Variants in STX8 observed in about 807,000 individuals in gnomAD.
STX8 encodes syntaxin-8.
A neutral mutation model predicts 37.5 loss-of-function variants in STX8; 23 were observed. The ratio of observed to expected loss-of-function variants is 0.61; its 90% CI spans 0.44 to 0.87. STX8 has a LOEUF of 0.87. Ranked by LOEUF, STX8 falls within the 40% of genes least tolerant of loss-of-function variation. The pLI is 0.00. For synonymous variants in STX8, 115 were observed against 99.1 expected, an observed-to-expected ratio of 1.16 and a Z score of -0.95; for missense variants, 313 against 284.7, an observed-to-expected ratio of 1.10 and a Z score of -0.71.
At chr17:9,360,818 G>A (rs998600306) in intron 7 of STX8, among the ~76,000 whole-genome samples, 7 of 152,104 alleles carry the variant, frequency 4.6e-5, no homozygotes, top group Non-Finnish European at 2.9e-5. Flanking sequence ...CTCTCTCAAG[G>A]ACAACTGAGA....
At chr17:9,487,047 C>T (rs1411934657) in intron 6 of STX8, among the ~76,000 whole-genome samples, 1 of 152,176 alleles carries the variant, frequency 6.6e-6, no homozygotes, top group Non-Finnish European at 1.5e-5. Context: ...CTGGGATTTT[C>T]ACTTAACTGC....
intron 6 of STX8, among the ~76,000 whole-genome samples, chr17:9,437,352 A>G (rs918347999): frequency 6.6e-6 from 1 of 152,220 alleles, no homozygotes; most frequent in South Asian, 2.1e-4. Flanking sequence ...CAGGGCTACA[A>G]TGACTTGCAG....
intron 6 of STX8, among the ~76,000 whole-genome samples, chr17:9,486,408 G>C (rs539427744): frequency 6.6e-6 from 1 of 152,228 alleles, no homozygotes; most frequent in Non-Finnish European, 1.5e-5. Flanking sequence ...CACACCAGCA[G>C]AGATTTGTTC....
At chr17:9,403,967 C>A (rs764377416) in intron 6 of STX8, among the ~76,000 whole-genome samples, 2 of 151,280 alleles carry the variant, frequency 1.3e-5, no homozygotes, top group African/African-American at 4.9e-5. Flanking sequence ...CTTTTGACTC[C>A]CCCAAAACTT....
chr17:9,459,961 G>A (rs953276323), intron 6 of STX8, among the ~76,000 whole-genome samples: 1 of 152,206 alleles, frequency 6.6e-6, no homozygotes, highest in Non-Finnish European at 1.5e-5. Context: ...TGGCAGAGCC[G>A]AATAGAGAGG....
intron 6 of STX8, among the ~76,000 whole-genome samples, chr17:9,474,399 G>A (rs550857989): frequency 6.6e-6 from 1 of 152,210 alleles, no homozygotes; most frequent in African/African-American, 2.4e-5. Flanking sequence ...TTGAGATGGA[G>A]TCTCACTCTG....
At chr17:9,532,138 C>T (rs1457111381) in intron 4 of STX8, among the ~76,000 whole-genome samples, 1 of 151,210 alleles carries the variant, frequency 6.6e-6, no homozygotes, top group African/African-American at 2.4e-5. Flanking sequence ...GTTAATAGAG[C>T]TTCCTTTCCT....
intron 7 of STX8, among the ~76,000 whole-genome samples, chr17:9,342,089 T>A (rs1910379178): frequency 6.6e-6 from 1 of 152,074 alleles, no homozygotes; most frequent in Non-Finnish European, 1.5e-5. Context: ...TGAAACTGTT[T>A]CATCTCAGAT....
intron 7 of STX8, among the ~76,000 whole-genome samples, chr17:9,375,313 CACTT>C (rs1911545364): frequency 1.3e-5 from 2 of 152,068 alleles, no homozygotes; most frequent in Non-Finnish European, 2.9e-5. Context: ...CAAAAAACAA[CACTT>C]AAGAGTCCAG....
intron 6 of STX8, among the ~76,000 whole-genome samples, chr17:9,415,815 C>G (rs1913173097): frequency 6.6e-6 from 1 of 152,148 alleles, no homozygotes; most frequent in East Asian, 1.9e-4. Flanking sequence ...ATCATCTTAT[C>G]CAGCTTCTTC....
At chr17:9,361,328 C>T (rs1911055632) in intron 7 of STX8, among the ~76,000 whole-genome samples, 1 of 152,144 alleles carries the variant, frequency 6.6e-6, no homozygotes, top group Admixed American at 6.5e-5. Context: ...TTCTAAATAC[C>T]ACAGATTCCT....
Position 9,344,148 on chromosome 17 carries a change from T to C in STX8, c.643+34404A>G, listed in dbSNP as rs1357539833. Among the ~76,000 whole-genome samples, 6 of 152,124 alleles carry C rather than the reference T, an allele frequency of 3.9e-5. No individual in the cohort carries two copies. In the East Asian group the frequency reaches 1.2e-3, roughly 29 times the overall value. The stretch of plus-strand genomic sequence containing the variant: ...CTTGCATATACTTGCAAATTTCACC[T>C]TTTAGGCTAAGGAGATGTTTTTCAA... On this transcript the variant is annotated intron_variant, in intron 7 of 7. Transcript: ENST00000306357.
chr17:9,462,548 C>T (rs1267795422), intron 6 of STX8, among the ~76,000 whole-genome samples: 12 of 151,992 alleles, frequency 7.9e-5, no homozygotes, highest in African/African-American at 2.9e-4. Context: ...GTGGTGAAAC[C>T]CTGTCTCTAC....
intron 6 of STX8, among the ~76,000 whole-genome samples, chr17:9,457,439 G>T (rs1275648368): frequency 6.6e-6 from 1 of 152,132 alleles, no homozygotes; most frequent in East Asian, 1.9e-4. Context: ...TGACTCTCTT[G>T]CTCCCTCTTC....
At chr17:9,563,194 T>C (rs187803141) in intron 2 of STX8, among the ~76,000 whole-genome samples, 102 of 148,150 alleles carry the variant, frequency 6.9e-4, no homozygotes, top group African/African-American at 2.6e-3. Context: ...TATTTATTTA[T>C]TTATTGAGAC....
chr17:9,269,065 T>C (rs1213403175), intron 7 of STX8, among the ~76,000 whole-genome samples: 1 of 151,880 alleles, frequency 6.6e-6, no homozygotes, highest in African/African-American at 2.4e-5. Context: ...CGGGCGCCTG[T>C]AGTCCCAGCT....
chr17:9,422,252 G>A (rs1913462137), intron 6 of STX8, among the ~76,000 whole-genome samples: 1 of 152,096 alleles, frequency 6.6e-6, no homozygotes. Flanking sequence ...TTACAGGCGT[G>A]TGCCACCACA....
intron 7 of STX8, 66 bp from the exon 8 acceptor site, chr17:9,250,711 A>G: frequency 6.8e-7 from 1 of 1,468,142 alleles, no homozygotes; most frequent in Non-Finnish European, 9.3e-7. Context: ...ACACATTCTG[A>G]GTGTCTGCAG....
At chr17:9,313,152 T>C (rs918174940) in intron 7 of STX8, among the ~76,000 whole-genome samples, 1 of 152,030 alleles carries the variant, frequency 6.6e-6, no homozygotes, top group East Asian at 1.9e-4. Flanking sequence ...GATCACGCCA[T>C]TGCATTCCAG....
Sources: allele counts gnomAD v4.1 joint callset (sites outside exome capture counted in the v4.1 genomes callset), GRCh38; gene constraint gnomAD v4.1.1; transcripts MANE v1.5; gene names NCBI Gene and HGNC (gene_info 2026-07-23, HGNC 2026-07-21).